The following MUC22 variants were observed in gnomAD, a reference collection of about 807,000 sequenced individuals.
MUC22 encodes the protein mucin-22.
A neutral mutation model predicts 40.3 loss-of-function variants in MUC22; 24 were observed. The ratio of observed to expected loss-of-function variants is 0.60; its 90% CI spans 0.43 to 0.84. The LOEUF (loss-of-function observed/expected upper bound fraction) is 0.84, where lower values mean the gene tolerates loss of function less well. Ranked by LOEUF, MUC22 falls within the 40% of genes least tolerant of loss-of-function variation. MUC22 has a pLI of 0.00. For synonymous variants in MUC22, 765 were observed against 844.5 expected, an observed-to-expected ratio of 0.91 and a Z score of 1.63; for missense variants, 1,926 against 2,130.7, an observed-to-expected ratio of 0.90 and a Z score of 1.89.
intron 1 of MUC22, among the ~76,000 whole-genome samples, chr6:31,020,300 G>A (rs1014971539): frequency 2.4e-4 from 36 of 151,854 alleles, no homozygotes; most frequent in African/African-American, 8.7e-4. Context: ...AGATAAAGAA[G>A]CAACATCATT....
chr6:31,020,798 G>A (rs2150764100), intron 1 of MUC22, among the ~76,000 whole-genome samples: 1 of 148,160 alleles, frequency 6.7e-6, no homozygotes, highest in East Asian at 1.9e-4. Context: ...CGTGGGCTTG[G>A]CGGCCCCGCA....
chr6:31,012,976 C>A (rs1375367323), intron 1 of MUC22, among the ~76,000 whole-genome samples: 1 of 151,948 alleles, frequency 6.6e-6, no homozygotes, highest in Non-Finnish European at 1.5e-5. Context: ...CAAGCAAGAT[C>A]TTGATTCAGT....
intron 3 of MUC22, among the ~76,000 whole-genome samples, chr6:31,033,302 A>G (rs796445528): frequency 2.0e-5 from 3 of 150,336 alleles, no homozygotes; most frequent in African/African-American, 7.2e-5. Context: ...TGAGAGAGAA[A>G]GAGAAAGAAA....
At chr6:31,016,938 G>C (rs1764254302) in intron 1 of MUC22, among the ~76,000 whole-genome samples, 1 of 152,234 alleles carries the variant, frequency 6.6e-6, no homozygotes, top group South Asian at 2.1e-4. Flanking sequence ...GAGGAACTTA[G>C]CACCCGGGCC....
At position 31,020,066 on chromosome 6, in the gene MUC22, G is replaced by C. The variant is rs114277511; in HGVS notation, c.71-5436G>C. Among the ~76,000 whole-genome samples, 1,170 of 152,178 alleles carry C rather than the reference G, an allele frequency of 7.7e-3. 14 individuals are homozygous for C. Among genetic ancestry groups the C allele is most frequent in the African/African-American group, 0.026 (1,087 of 41,510 alleles). On this transcript the variant is annotated intron_variant, in intron 1 of 3. Transcript: ENST00000561890. ...AAACATGTTTAAAGAAATAGTAGCT[G>C]AAAAAATTAAATTTGATGAAAACTA...
intron 1 of MUC22, among the ~76,000 whole-genome samples, chr6:31,025,150 A>C (rs1031344454): frequency 6.7e-6 from 1 of 149,014 alleles, no homozygotes; most frequent in Non-Finnish European, 1.5e-5. Context: ...GCCCAGCCCA[A>C]ATGGCTGCCT....
exon 2 of MUC22, chr6:31,026,161 G>A: frequency 6.6e-7 from 1 of 1,524,240 alleles, no homozygotes; most frequent in Non-Finnish European, 8.8e-7. Flanking sequence ...CTCAACTGCA[G>A]ACTCCAAGGT....
exon 4 of MUC22, chr6:31,034,709 A>T (rs1766318817): frequency 6.5e-7 from 1 of 1,535,458 alleles, no homozygotes. Flanking sequence ...TGTGGTATTT[A>T]TTACCCCCAT....
intron 1 of MUC22, among the ~76,000 whole-genome samples, chr6:31,017,853 T>C (rs6933040): frequency 0.27 from 40,358 of 152,098 alleles, 5,471 homozygotes; most frequent in East Asian, 0.38. Flanking sequence ...GCTTGGGTAC[T>C]CTTCTATAGT....
Position 31,032,695 on chromosome 6 carries a change from A to G in MUC22, c.5055+114A>G, listed in dbSNP as rs1404957438. The G allele has an allele frequency of 2.6e-6, 3 of 1,147,818 alleles. No homozygotes were observed. Among genetic ancestry groups the G allele is most frequent in the Non-Finnish European group, 3.6e-6 (3 of 832,460 alleles). The allele number at this position is 1,147,818 out of a possible 1,614,324, so 71.1% of individuals were successfully genotyped here. On this transcript the variant is annotated intron_variant, in intron 3 of 3. Transcript: ENST00000561890. This position sits in a 1 kb window ranked among gnomAD's most constrained non-coding sequence, Gnocchi z 4.1. ...GAAAGGGGAGTAAGTTGGTGCGCTC[A>G]GAAGGAAAGAATCACCTAGCCTGAT...
intron 1 of MUC22, among the ~76,000 whole-genome samples, chr6:31,018,941 G>A (rs186450099): frequency 1.5e-5 from 2 of 131,570 alleles, no homozygotes; most frequent in East Asian, 2.4e-4. Flanking sequence ...TTGGTCCAGC[G>A]CCCTATTCTC....
At chr6:31,028,983 G>A in exon 2 of MUC22, 1 of 1,534,788 alleles carries the variant, frequency 6.5e-7, no homozygotes, top group Non-Finnish European at 8.7e-7. Context: ...AAGGCTCTGA[G>A]ACCACCACAG....
At chr6:31,033,857 T>C (rs1766256665) in intron 3 of MUC22, among the ~76,000 whole-genome samples, 1 of 152,192 alleles carries the variant, frequency 6.6e-6, no homozygotes, top group Admixed American at 6.5e-5. Flanking sequence ...TCACAAAAGA[T>C]TTGGATAATA....
At chr6:31,018,182 CTAG>C (rs1764390264) in intron 1 of MUC22, among the ~76,000 whole-genome samples, 1 of 152,078 alleles carries the variant, frequency 6.6e-6, no homozygotes, top group Non-Finnish European at 1.5e-5. Context: ...GATTACTGAT[CTAG>C]AGTTTCTTTG....
chr6:31,016,658 C>T (rs71561400), intron 1 of MUC22, among the ~76,000 whole-genome samples: 42 of 152,256 alleles, frequency 2.8e-4, no homozygotes, highest in Non-Finnish European at 5.3e-4. Flanking sequence ...CGCTCAGTCT[C>T]GGAGCCTCCT....
intron 1 of MUC22, among the ~76,000 whole-genome samples, chr6:31,024,870 T>TTC (rs1765145415): frequency 3.6e-5 from 2 of 55,570 alleles, no homozygotes; most frequent in African/African-American, 6.5e-5. Flanking sequence ...TGCTGCCTTC[T>TTC]TTTTTTTTTT....
At chr6:31,025,408 A>G in intron 1 of MUC22, 94 bp from the exon 2 acceptor site, 1 of 1,319,222 alleles carries the variant, frequency 7.6e-7, no homozygotes, top group Middle Eastern at 1.9e-4. Flanking sequence ...ATAAATGAAT[A>G]AGAAGTACTG....
At chr6:31,029,512 A>G (rs1437185669) in exon 2 of MUC22, 3 of 1,532,280 alleles carry the variant, frequency 2.0e-6, no homozygotes, top group Non-Finnish European at 1.7e-6. Context: ...AGTCTATATC[A>G]CAGGCTCTAA....
exon 2 of MUC22, chr6:31,027,506 G>T (rs1562608553): frequency 1.2e-5 from 18 of 1,530,800 alleles, no homozygotes; most frequent in Middle Eastern, 1.7e-4. Context: ...TCTACTGAAG[G>T]CTCTGAGATC....
Sources: gnomAD v4.1 joint callset for allele counts (sites outside exome capture counted in the v4.1 genomes callset) on GRCh38, gnomAD v4.1.1 for gene constraint, Gnocchi (gnomAD v3.1) non-coding constraint, MANE v1.5 for transcripts, NCBI Gene and HGNC (gene_info 2026-07-23, HGNC 2026-07-21) for gene names.